The following FBLN5 variants were observed in gnomAD, a reference collection of about 807,000 sequenced individuals.
FBLN5 encodes the protein fibulin 5.
In FBLN5, 24 loss-of-function variants were observed where a neutral mutation model predicts 61.6. That is an observed-to-expected ratio of 0.39 (90% CI 0.28 to 0.55). The LOEUF (loss-of-function observed/expected upper bound fraction) is 0.55. FBLN5 is among the 20% of genes least tolerant of loss of function. The pLI is 0.65. For synonymous variants in FBLN5, 213 were observed against 219.8 expected (o/e 0.97, Z 0.27); for missense variants, 470 against 594.1 (o/e 0.79, Z 2.17).
chr14:91,905,086 CTCAA>C (rs1206651978), intron 4 of FBLN5, among the ~76,000 whole-genome samples: 1 of 152,166 alleles, frequency 6.6e-6, no homozygotes, highest in African/African-American at 2.4e-5. Flanking sequence ...AGCCCTTGGA[CTCAA>C]TCAGTCCATC....
Position 91,870,150 on chromosome 14 carries a change from C to G in FBLN5, c.*74G>C. On this transcript the variant is annotated 3_prime_UTR_variant, in exon 11 of 11. Coordinates refer to ENST00000342058, the MANE Select transcript of FBLN5 (RefSeq NM_006329.4). ...GCCTAACGTCTGTGTCGCTCTCATT[C>G]TCTCTGTTATTTCCTCTCTTCTCCT... is the stretch of plus-strand genomic sequence containing the variant. 2.1e-6 allele frequency: 3 copies of G among 1,462,232 alleles called. No individual in the cohort carries two copies. In the Admixed American group the frequency reaches 5.0e-5, roughly 24 times the overall value. The allele number at this position is 1,462,232 out of a possible 1,614,324, so 90.6% of individuals were successfully genotyped here.
At chr14:91,888,099 GACCAACCTGGGCAACATAGTGGGAC>G (rs1161849489) in intron 6 of FBLN5, among the ~76,000 whole-genome samples, 3 of 151,942 alleles carry the variant, frequency 2.0e-5, no homozygotes, top group African/African-American at 7.3e-5. Context: ...AGGAGTTTGA[GACCAACCTGGGCAACATAGTGGGAC>G]CCCATCTCTT....
At chr14:91,887,060 G>T in intron 7 of FBLN5, 133 bp downstream of exon 7, 1 of 951,198 alleles carries the variant, frequency 1.1e-6, no homozygotes, top group Non-Finnish European at 1.7e-6. Context: ...TGACCCCACT[G>T]CCCTGGAGGA....
intron 10 of FBLN5, chr14:91,874,106 G>A (rs1018886022): frequency 2.0e-5 from 3 of 152,394 alleles, no homozygotes; most frequent in African/African-American, 7.2e-5. Context: ...GTGTGCATGT[G>A]TGCATGCAAG....
At chr14:91,880,794 A>T (rs1595296308) in intron 9 of FBLN5, among the ~76,000 whole-genome samples, 1 of 151,878 alleles carries the variant, frequency 6.6e-6, no homozygotes, top group South Asian at 2.1e-4. Flanking sequence ...CAGGCAATCC[A>T]CCCACCTCAG....
intron 4 of FBLN5, among the ~76,000 whole-genome samples, chr14:91,915,556 G>A (rs918470019): frequency 2.6e-5 from 4 of 151,552 alleles, no homozygotes; most frequent in African/African-American, 9.7e-5. Flanking sequence ...GCGTGGTGGT[G>A]GGCACCTGTA....
chr14:91,894,395 A>T, intron 5 of FBLN5, among the ~76,000 whole-genome samples: 1 of 95,816 alleles, frequency 1.0e-5, no homozygotes, highest in Non-Finnish European at 2.1e-5. Flanking sequence ...AGAGGGAGAC[A>T]CCATATCAAA....
chr14:91,880,531 G>A (rs1186032377), intron 9 of FBLN5, among the ~76,000 whole-genome samples: 25 of 39,544 alleles, frequency 6.3e-4, no homozygotes, highest in Admixed American at 5.9e-3. Flanking sequence ...GCGTGCGTGT[G>A]TGTGTGTGTG....
intron 4 of FBLN5, among the ~76,000 whole-genome samples, chr14:91,910,476 C>T (rs1169008678): frequency 6.6e-6 from 1 of 152,212 alleles, no homozygotes; most frequent in African/African-American, 2.4e-5. Flanking sequence ...CACTACCGCG[C>T]TGTGCACTTG....
chr14:91,930,459 G>A (rs965255275), intron 4 of FBLN5, among the ~76,000 whole-genome samples: 1 of 152,132 alleles, frequency 6.6e-6, no homozygotes, highest in African/African-American at 2.4e-5. Flanking sequence ...ACCTCAATGC[G>A]ATCCCATTTC....
chr14:91,946,603 C>T, intron 1 of FBLN5: 2 of 863,524 alleles, frequency 2.3e-6, no homozygotes, highest in African/African-American at 1.7e-5. Context: ...TTTTCAAGAG[C>T]TCGCTGAATA....
chr14:91,874,535 T>C (rs917423726), intron 10 of FBLN5: 6 of 152,220 alleles, frequency 3.9e-5, no homozygotes, highest in Admixed American at 1.3e-4. Context: ...CTGGTGCTTA[T>C]TAGTTGTGAG....
chr14:91,939,617 C>T (rs2056076363), intron 3 of FBLN5, among the ~76,000 whole-genome samples: 1 of 152,218 alleles, frequency 6.6e-6, no homozygotes, highest in South Asian at 2.1e-4. Context: ...GCTGGGATTA[C>T]AGGCGTGAGC....
chr14:91,947,201 C>T lies in FBLN5; in HGVS notation c.17+12G>A, dbSNP rs1457448224. ...ACCCTGGAGAAAGAAAAGTCCAGCG[C>T]CGAGAACCCACCTTTTTATTCCTGG... On this transcript the variant is annotated intron_variant, in intron 1 of 10. Coordinates refer to ENST00000342058, the MANE Select transcript of FBLN5 (RefSeq NM_006329.4). This position sits in a 1 kb window ranked among gnomAD's most constrained non-coding sequence, Gnocchi z 4.3. 3.7e-6 allele frequency: 6 copies of T among 1,614,096 alleles called. No homozygotes were observed. Among genetic ancestry groups the T allele is most frequent in the Admixed American group, 1.7e-5 (1 of 60,010 alleles).
intron 4 of FBLN5, among the ~76,000 whole-genome samples, chr14:91,922,906 G>A (rs947852993): frequency 3.3e-5 from 5 of 152,190 alleles, no homozygotes; most frequent in Non-Finnish European, 7.3e-5. Flanking sequence ...GCTCATCCCT[G>A]TTTTAAGCCT....
intron 10 of FBLN5, chr14:91,874,435 G>A (rs182512827): frequency 8.4e-4 from 128 of 152,268 alleles, no homozygotes; most frequent in Middle Eastern, 3.4e-3. Flanking sequence ...CCCAAAGCTG[G>A]AAGAGTAGGT....
At chr14:91,893,270 G>A (rs537330217) in intron 5 of FBLN5, among the ~76,000 whole-genome samples, 1 of 152,330 alleles carries the variant, frequency 6.6e-6, no homozygotes, top group South Asian at 2.1e-4. Flanking sequence ...TTAAGTTCCT[G>A]TACAAATAAC....
intron 1 of FBLN5, among the ~76,000 whole-genome samples, chr14:91,944,318 G>A (rs1055737685): frequency 6.6e-6 from 1 of 152,206 alleles, no homozygotes; most frequent in Non-Finnish European, 1.5e-5. Context: ...GCAAGCGTTA[G>A]GGAGGATGTG....
intron 4 of FBLN5, among the ~76,000 whole-genome samples, chr14:91,910,594 T>A (rs1368256293): frequency 1.3e-5 from 2 of 152,202 alleles, no homozygotes; most frequent in Non-Finnish European, 2.9e-5. Context: ...CTAAGTTCTA[T>A]AAACTGTTCC....
Sources: allele counts gnomAD v4.1 joint callset (sites outside exome capture counted in the v4.1 genomes callset), GRCh38; gene constraint gnomAD v4.1.1; non-coding constraint Gnocchi (gnomAD v3.1); transcripts MANE v1.5; gene names NCBI Gene and HGNC (gene_info 2026-07-23, HGNC 2026-07-21).